The following GALNT5 variants were observed in gnomAD, a reference collection of about 807,000 sequenced individuals.
GALNT5 encodes polypeptide N-acetylgalactosaminyltransferase 5, also known as UDP-GalNAc:polypeptide N-acetylgalactosaminyltransferase 5.
A neutral mutation model predicts 85.4 loss-of-function variants in GALNT5; 72 were observed. The ratio of observed to expected loss-of-function variants is 0.84; its 90% CI spans 0.70 to 1.03. The LOEUF (loss-of-function observed/expected upper bound fraction) is 1.03, where lower values mean the gene tolerates loss of function less well. Among genes scored for constraint, GALNT5 ranks in the 50% least tolerant of loss-of-function variants. The pLI, the probability that GALNT5 is intolerant of heterozygous loss-of-function variation, is 0.00. For missense variants in GALNT5, 1,137 were observed against 1,135.5 expected, an observed-to-expected ratio of 1.00 and a Z score of -0.02; for synonymous variants, 404 against 397.0, an observed-to-expected ratio of 1.02 and a Z score of -0.21.
At chr2:157,309,996 T>C (rs778148989) in intron 9 of GALNT5, among the ~76,000 whole-genome samples, 1 of 151,890 alleles carries the variant, frequency 6.6e-6, no homozygotes, top group Non-Finnish European at 1.5e-5. Flanking sequence ...GGGGGGGATG[T>C]GGTAAGGAGA....
rs1683590377 is a variant in GALNT5 at position 157,312,213 on chromosome 2, G to A, written c.*865G>A. 1 of 152,238 alleles carries A rather than the reference G, an allele frequency of 6.6e-6. No homozygotes were observed. The highest frequency in any genetic ancestry group is 6.5e-5 in the Admixed American group (1 of 15,296). 9.4% of individuals were successfully genotyped at this position (152,238 alleles called of 1,614,324 possible). A position where few individuals can be genotyped will look rare whatever the true frequency, so the allele number is the denominator to read the frequency against. The stretch of plus-strand genomic sequence containing the variant: ...ACTCTAGTGCAGGGCCAAGTAAGAG[G>A]AGTTGAAATGAGTAAAGCAGAAATA... On this transcript the variant is annotated 3_prime_UTR_variant, in exon 10 of 10. Transcript: ENST00000259056.
At chr2:157,283,590 A>T (rs1321520090) in intron 1 of GALNT5, among the ~76,000 whole-genome samples, 1 of 152,214 alleles carries the variant, frequency 6.6e-6, no homozygotes, top group Non-Finnish European at 1.5e-5. Flanking sequence ...TTTGGCACAT[A>T]TATATTATGC....
intron 5 of GALNT5, 72 bp downstream of exon 5, chr2:157,296,585 A>G: frequency 8.8e-7 from 1 of 1,137,450 alleles, no homozygotes; most frequent in Non-Finnish European, 1.3e-6. Flanking sequence ...AATTCTACAA[A>G]ACAGCTGTAT....
Position 157,284,277 on chromosome 2 carries a change from C to T in GALNT5, c.1455-5C>T. On this transcript the variant is annotated splice_region_variant and splice_polypyrimidine_tract_variant and intron_variant, in intron 1 of 9. Coordinates refer to ENST00000259056, the MANE Select transcript of GALNT5 (RefSeq NM_014568.3). The stretch of plus-strand genomic sequence containing the variant: ...CTCTTGTGCTCTGCTTATATTCTGG[C>T]CCAGATGTGCAGAGCAGCTAGTTCA... The T allele has an allele frequency of 1.2e-6, 2 of 1,612,786 alleles. No homozygotes were observed. The highest frequency in any genetic ancestry group is 1.7e-4 in the Middle Eastern group (1 of 5,940).
In GALNT5 at chr2:157,316,546, T is replaced by C. The variant is rs1163634675; in HGVS notation, c.*5198T>C. Among the ~76,000 whole-genome samples the C allele has an allele frequency of 6.6e-6, 1 of 152,166 alleles. No individual in the cohort carries two copies. The highest frequency in any genetic ancestry group is 1.5e-5 in the Non-Finnish European group (1 of 68,018). ...TCCTACTCATTGTGTAGGTTGTCAC[T>C]ACTGTGCTTTTGCAACAACTTTTGC... On this transcript the variant is annotated 3_prime_UTR_variant, in exon 10 of 10. Coordinates refer to ENST00000259056, the MANE Select transcript of GALNT5 (RefSeq NM_014568.3).
intron 9 of GALNT5, among the ~76,000 whole-genome samples, chr2:157,309,161 A>G (rs1683518180): frequency 6.6e-6 from 1 of 152,268 alleles, no homozygotes; most frequent in South Asian, 2.1e-4. Context: ...CCCTTTCCAT[A>G]AGAGACTCTT....
chr2:157,285,754 A>C (rs1385623169), intron 2 of GALNT5, among the ~76,000 whole-genome samples: 1 of 152,186 alleles, frequency 6.6e-6, no homozygotes, highest in East Asian at 1.9e-4. Flanking sequence ...ATACTCAGAA[A>C]GGTGTGCCCT....
At position 157,308,608 on chromosome 2, in the gene GALNT5, T is replaced by C. The variant is rs1354723937; in HGVS notation, c.2562T>C (p.Cys854=). The C allele has an allele frequency of 6.2e-7, 1 of 1,613,456 alleles. No individual in the cohort carries two copies. The highest frequency in any genetic ancestry group is 2.2e-5 in the East Asian group (1 of 44,874). The change falls in exon 9 of 10, where the codon TGT becomes TGC. Residue 854 remains cysteine, a synonymous_variant. Transcript: ENST00000259056. Reference sequence around the variant, plus strand: ...ACACCTGGTTAAGACTTATTAAATGTGGAGAATGGTGTATAGCCCCCATCC... The same window carrying C: ...ACACCTGGTTAAGACTTATTAAATGCGGAGAATGGTGTATAGCCCCCATCC... ...FNYTWLRLIK[C]GEWCIAPIPD...
chr2:157,278,980 T>C (rs1682798243), intron 1 of GALNT5, among the ~76,000 whole-genome samples: 1 of 152,230 alleles, frequency 6.6e-6, no homozygotes, highest in Admixed American at 6.5e-5. Context: ...TTGATGCTGG[T>C]GACCTACAGA....
At chr2:157,308,537 A>G (rs764582851) in intron 8 of GALNT5, 30 bp from the exon 9 acceptor site, 21 of 1,577,228 alleles carry the variant, frequency 1.3e-5, no homozygotes, top group Admixed American at 3.8e-5. Context: ...TTGCTGCCTG[A>G]AGTGACCTCT....
rs955410765 is a variant in GALNT5, at chr2:157,299,564, G to A, written c.2014G>A (p.Gly672Ser). 5 of 1,608,538 alleles carry A rather than the reference G, an allele frequency of 3.1e-6. No individual in the cohort carries two copies. The African/African-American group carries it at 5.3e-5, about 17-fold the overall frequency. Residue 672 changes from glycine (G) to serine (S), a missense_variant, in exon 6 of 10, where the codon GGT (glycine) becomes AGT (serine). Coordinates refer to ENST00000259056, the MANE Select transcript of GALNT5 (RefSeq NM_014568.3). Reference sequence around the variant, plus strand: ...TTTTTGTAGGTGCCCTGTCATGGCTGGTGGATTGTTTTCTATTGACAAAAG... The same window carrying A: ...TTTTTGTAGGTGCCCTGTCATGGCTAGTGGATTGTTTTCTATTGACAAAAG... ...TDTIRCPVMA[G>S]GLFSIDKSYF...
In GALNT5 at chr2:157,258,806, G is replaced by A; in HGVS notation, c.724G>A (p.Ala242Thr). 1 of 1,601,760 alleles carries A rather than the reference G, an allele frequency of 6.2e-7. No homozygotes were observed. Residue 242 changes from alanine to threonine, a missense_variant, in exon 1 of 10, where the codon GCC (alanine) becomes ACC (threonine). Transcript: ENST00000259056. ...AGTAGCAAACGAGAGGGCACACCCT[G>A]CCAGCACAGCAGTGCCGAAGTCTGG... ...QAVANERAHP[A>T]STAVPKSGEA...
intron 3 of GALNT5, among the ~76,000 whole-genome samples, chr2:157,286,893 AGTGT>A (rs3072178): frequency 0.11 from 15,455 of 135,692 alleles, 859 homozygotes; most frequent in East Asian, 0.27. Context: ...TTTAAATACC[AGTGT>A]GTGTGTGTGT....
At position 157,257,985 on chromosome 2, in the gene GALNT5, CTCTGCTGCTGCTGCT is replaced by C; in HGVS notation, c.-97_-83del. Reference sequence around the variant, plus strand: ...AGGGGAGGGGGTCACTTTCTGGCAACTCTGCTGCTGCTGCTGCTGCTGCTGCTACTTCAGCTTCCT... The same window carrying C: ...AGGGGAGGGGGTCACTTTCTGGCAACGCTGCTGCTGCTACTTCAGCTTCCT... On this transcript the variant is annotated 5_prime_UTR_variant, in exon 1 of 10. Coordinates refer to ENST00000259056, the MANE Select transcript of GALNT5 (RefSeq NM_014568.3). The C allele has an allele frequency of 8.4e-7, 1 of 1,189,784 alleles. No individual in the cohort carries two copies. The allele number at this position is 1,189,784 out of a possible 1,614,324, so 73.7% of individuals were successfully genotyped here. A position where few individuals can be genotyped will look rare whatever the true frequency, so the allele number is the denominator to read the frequency against.
At chr2:157,267,567 G>C (rs1380172255) in intron 1 of GALNT5, among the ~76,000 whole-genome samples, 5 of 152,188 alleles carry the variant, frequency 3.3e-5, no homozygotes, top group Non-Finnish European at 7.3e-5. Flanking sequence ...AGGAAAGACA[G>C]AACATCCCCA....
chr2:157,299,662 C>T lies in GALNT5; in HGVS notation c.2112C>T (p.Phe704=). The change falls in exon 6 of 10, where the codon TTC becomes TTT. Residue 704 remains phenylalanine (F), a synonymous_variant. Coordinates refer to ENST00000259056, the MANE Select transcript of GALNT5 (RefSeq NM_014568.3). ...GTGGGGAAAATATGGAGCTCTCATTCAAGGTATTACCAGGTGTTTCCCAAC... is the reference window on the plus strand; with the variant it reads ...GTGGGGAAAATATGGAGCTCTCATTTAAGGTATTACCAGGTGTTTCCCAAC... ...VWGGENMELS[F]KVWMCGGEIE... is the part of the protein sequence containing the mutation. 1 of 1,524,148 alleles carries T rather than the reference C, an allele frequency of 6.6e-7. No individual in the cohort carries two copies. Among genetic ancestry groups the T allele is most frequent in the South Asian group, 1.1e-5 (1 of 88,370 alleles). 94.4% of individuals were successfully genotyped at this position (1,524,148 alleles called of 1,614,324 possible).
chr2:157,259,711 T>C (rs1682297077), intron 1 of GALNT5, among the ~76,000 whole-genome samples, 175 bp downstream of exon 1: 1 of 152,238 alleles, frequency 6.6e-6, no homozygotes, highest in Non-Finnish European at 1.5e-5. Flanking sequence ...AATTCTCTTA[T>C]TAGCAGTTGC....
chr2:157,268,443 G>A (rs1682507183), intron 1 of GALNT5, among the ~76,000 whole-genome samples: 3 of 152,172 alleles, frequency 2.0e-5, no homozygotes, highest in Non-Finnish European at 4.4e-5. Flanking sequence ...ATGGGTAATC[G>A]TAGGTTCTCA....
chr2:157,281,195 G>T (rs1162519786), intron 1 of GALNT5, among the ~76,000 whole-genome samples: 1 of 152,118 alleles, frequency 6.6e-6, no homozygotes, highest in East Asian at 1.9e-4. Flanking sequence ...CTCCCAAGTA[G>T]CTGGGATTAC....
Sources: gnomAD v4.1 joint callset for allele counts (sites outside exome capture counted in the v4.1 genomes callset) on GRCh38, gnomAD v4.1.1 for gene constraint, MANE v1.5 for transcripts, NCBI Gene and HGNC (gene_info 2026-07-23, HGNC 2026-07-21) for gene names.